The following HNRNPH1 variants were observed in gnomAD, a reference collection of about 807,000 sequenced individuals.
HNRNPH1 encodes heterogeneous nuclear ribonucleoprotein H.
In HNRNPH1, 4 loss-of-function variants were observed where a neutral mutation model predicts 58.6. That is an observed-to-expected ratio of 0.07 (90% confidence interval 0.03 to 0.16). The LOEUF is 0.16. Among genes scored for constraint, HNRNPH1 ranks in the 10% least tolerant of loss-of-function variants. HNRNPH1 has a pLI of 1.00. For missense variants in HNRNPH1, 271 were observed against 564.2 expected (o/e 0.48, Z 5.26); for synonymous variants, 192 against 189.2 (o/e 1.01, Z -0.12).
At chr5:179,630,873 T>C (rs1265803721) in intron 2 of HNRNPH1, among the ~76,000 whole-genome samples, 2 of 147,810 alleles carry the variant, frequency 1.4e-5, no homozygotes, top group Non-Finnish European at 3.0e-5. Context: ...ATCGTGCCAC[T>C]GCACTCCAGC....
chr5:179,614,443 C>T (rs2127591985), exon 13 of HNRNPH1: 1 of 153,908 alleles, frequency 6.5e-6, no homozygotes, highest in Middle Eastern at 3.5e-3. Context: ...TAATAGTAGA[C>T]ACAGCTCCTA....
chr5:179,623,049 T>G (rs1195399424), exon 1 of HNRNPH1: 1 of 1,567,304 alleles, frequency 6.4e-7, no homozygotes, highest in East Asian at 2.4e-5. Flanking sequence ...GAAAAAAACC[T>G]CTGCACTTCA....
intron 8 of HNRNPH1, 31 bp downstream of exon 9, chr5:179,617,472 CAATCACCTGTT>C: frequency 6.3e-7 from 1 of 1,593,712 alleles, no homozygotes; most frequent in South Asian, 1.1e-5. Flanking sequence ...GTTAGTCACA[CAATCACCTGTT>C]AAGAGCCCAC....
At chr5:179,625,863 G>A (rs1774345510), upstream of HNRNPH1, among the ~76,000 whole-genome samples, 1 of 151,738 alleles carries the variant, frequency 6.6e-6, no homozygotes, top group Non-Finnish European at 1.5e-5. Flanking sequence ...CTACCTTCTG[G>A]GCTCAAACAA....
exon 1 of HNRNPH1, chr5:179,624,500 G>T: frequency 2.5e-6 from 1 of 398,774 alleles, no homozygotes; most frequent in South Asian, 1.3e-4. Flanking sequence ...GGGCTCCACG[G>T]GTGCGCGCCG....
At chr5:179,631,717 A>G (rs954106307) in intron 2 of HNRNPH1, among the ~76,000 whole-genome samples, 1 of 152,170 alleles carries the variant, frequency 6.6e-6, no homozygotes, top group African/African-American at 2.4e-5. Flanking sequence ...ACTGTACTCC[A>G]GCCTGGGCAA....
At chr5:179,621,195 ATTGT>A (rs745948381) in intron 2 of HNRNPH1, 43 bp downstream of exon 3, 9 of 1,577,932 alleles carry the variant, frequency 5.7e-6, no homozygotes, top group South Asian at 2.2e-5. Context: ...TGAGACCTCT[ATTGT>A]TTAATGCTTT....
At chr5:179,617,246 G>T in intron 8 of HNRNPH1, 136 bp from the exon 10 acceptor site, 1 of 873,574 alleles carries the variant, frequency 1.1e-6, no homozygotes. Flanking sequence ...ACTTCTCTTA[G>T]GTGATCTACT....
chr5:179,618,018 T>C, exon 6 of HNRNPH1: 1 of 1,614,190 alleles, frequency 6.2e-7, no homozygotes. Flanking sequence ...CCCAAATCCA[T>C]AGCCATCATT....
intron 1 of HNRNPH1, among the ~76,000 whole-genome samples, chr5:179,622,241 T>G (rs78134343): frequency 0.014 from 2,105 of 152,278 alleles, 48 homozygotes; most frequent in African/African-American, 0.045. Context: ...AAACTGAAAT[T>G]AAGACGTGAC....
At chr5:179,619,037 G>T in intron 4 of HNRNPH1, 1 of 344,376 alleles carries the variant, frequency 2.9e-6, no homozygotes, top group Non-Finnish European at 5.3e-6. Context: ...TCTATTGATT[G>T]GGGTTAATAA....
chr5:179,616,759 T>C, intron 10 of HNRNPH1, 110 bp downstream of exon 11: 1 of 928,260 alleles, frequency 1.1e-6, no homozygotes, highest in Non-Finnish European at 1.7e-6. Flanking sequence ...AGAAACTGCT[T>C]TGCCTAAGTT....
At chr5:179,616,271 G>A (rs376522589) in intron 10 of HNRNPH1, 53 bp from the exon 12 acceptor site, 2 of 1,306,128 alleles carry the variant, frequency 1.5e-6, no homozygotes, top group Non-Finnish European at 2.2e-6. Flanking sequence ...TGTGGTACCT[G>A]GTGGTACCGG....
chr5:179,618,436 T>G, intron 4 of HNRNPH1, 113 bp from the exon 6 acceptor site: 1 of 668,810 alleles, frequency 1.5e-6, no homozygotes, highest in Non-Finnish European at 2.4e-6. Context: ...TGAAACTGAC[T>G]AATATTTAAA....
intron 11 of HNRNPH1, chr5:179,615,852 A>G (rs928210101): frequency 9.6e-6 from 5 of 521,750 alleles, no homozygotes; most frequent in Admixed American, 7.2e-5. Context: ...ACAGTATTCC[A>G]AAGCTGCAAT....
chr5:179,621,448 T>A lies in HNRNPH1; in HGVS notation c.98-51A>T. On this transcript the variant is annotated intron_variant, in intron 1 of 12. Transcript: ENST00000356731. ...AGAATTTAAAACCTAAAACCACCTC[T>A]GGGTGACACAGATGAAATGTCTATT... The A allele has an allele frequency of 3.3e-6, 5 of 1,522,240 alleles. No homozygotes were observed. The South Asian group carries it at 4.6e-5, about 14-fold the overall frequency. 94.3% of individuals were successfully genotyped at this position (1,522,240 alleles called of 1,614,324 possible). A position where few individuals can be genotyped will look rare whatever the true frequency, so the allele number is the denominator to read the frequency against.
Position 179,616,226 on chromosome 5 carries a change from GTT to G in HNRNPH1, c.1208-10_1208-9del. On this transcript the variant is annotated splice_polypyrimidine_tract_variant and intron_variant, in intron 10 of 12. Transcript: ENST00000356731. Reference sequence around the variant, plus strand: ...CGTAGCTGGACTGGTTTGCTGTTAAGTTAAGAAAACATTAGAACCTTTTTTCT... The same window carrying G: ...CGTAGCTGGACTGGTTTGCTGTTAAGAAGAAAACATTAGAACCTTTTTTCT... 2 of 1,610,678 alleles carry G rather than the reference GTT, an allele frequency of 1.2e-6. No homozygotes were observed. Among genetic ancestry groups the G allele is most frequent in the Non-Finnish European group, 1.7e-6 (2 of 1,178,166 alleles).
chr5:179,616,766 A>G, intron 10 of HNRNPH1, 103 bp downstream of exon 11: 1 of 1,024,624 alleles, frequency 9.8e-7, no homozygotes, highest in East Asian at 2.6e-5. Context: ...GCTTTGCCTA[A>G]GTTTCTTATG....
intron 4 of HNRNPH1, 200 bp downstream of exon 5, chr5:179,619,069 G>A (rs1771108602): frequency 4.4e-6 from 2 of 456,566 alleles, no homozygotes; most frequent in Non-Finnish European, 7.9e-6. Flanking sequence ...TTGTCAAGCA[G>A]ACCAATTAAC....
Sources: allele counts gnomAD v4.1 joint callset (sites outside exome capture counted in the v4.1 genomes callset), GRCh38; gene constraint gnomAD v4.1.1; transcripts MANE v1.5; gene names NCBI Gene and HGNC (gene_info 2026-07-23, HGNC 2026-07-21).